Variants in AGBL1 observed in about 807,000 individuals in gnomAD.
AGBL1 encodes the protein cytosolic carboxypeptidase 4.
AGBL1 carries 130 observed loss-of-function variants against 118.9 expected under a neutral mutation model. That is an observed-to-expected ratio of 1.09 (90% CI 0.95 to 1.26). AGBL1 has a LOEUF of 1.26. AGBL1 is among the 50% of genes most tolerant of loss of function. The pLI, the probability that AGBL1 is intolerant of heterozygous loss-of-function variation, is 0.00. For synonymous variants in AGBL1, 555 were observed against 478.9 expected, an observed-to-expected ratio of 1.16 and a Z score of -2.08; for missense variants, 1,584 against 1,298.1, an observed-to-expected ratio of 1.22 and a Z score of -3.38.
At chr15:86,674,231 C>T in intron 21 of AGBL1, 42 bp from the exon 22 acceptor site, 1 of 1,563,592 alleles carries the variant, frequency 6.4e-7, no homozygotes, top group Non-Finnish European at 8.7e-7. Context: ...CACTCAGCTC[C>T]CATTATACGT....
intron 17 of AGBL1, among the ~76,000 whole-genome samples, chr15:86,338,534 C>T (rs912349342): frequency 1.6e-4 from 25 of 151,698 alleles, no homozygotes; most frequent in African/African-American, 5.6e-4. Context: ...GATAAAGTGA[C>T]CCCCGAAGAA....
intron 22 of AGBL1, among the ~76,000 whole-genome samples, chr15:86,820,603 G>T (rs1596515822): frequency 1.3e-5 from 2 of 152,278 alleles, no homozygotes; most frequent in South Asian, 4.1e-4. Flanking sequence ...GTGGACATTA[G>T]AGAAATGTAA....
intron 23 of AGBL1, among the ~76,000 whole-genome samples, chr15:86,924,521 G>C (rs1488350439): frequency 6.6e-6 from 1 of 152,184 alleles, no homozygotes; most frequent in Non-Finnish European, 1.5e-5. Context: ...AATGAATGTG[G>C]AGGGTGCTCA....
At chr15:86,819,222 G>C (rs1013737324) in intron 22 of AGBL1, among the ~76,000 whole-genome samples, 10 of 152,106 alleles carry the variant, frequency 6.6e-5, no homozygotes, top group African/African-American at 2.4e-4. Context: ...GATACTAATA[G>C]TAGTGGCAGT....
chr15:86,137,826 G>A (rs1192709966), intron 1 of AGBL1, among the ~76,000 whole-genome samples: 3 of 152,174 alleles, frequency 2.0e-5, no homozygotes, highest in Non-Finnish European at 4.4e-5. Flanking sequence ...GGTTTTCTCA[G>A]AGGCAGCTCC....
chr15:86,773,282 G>A (rs967311888), intron 22 of AGBL1, among the ~76,000 whole-genome samples: 1 of 152,038 alleles, frequency 6.6e-6, no homozygotes, highest in Admixed American at 6.6e-5. Flanking sequence ...GGGGTACGGA[G>A]GAGGCACTCC....
chr15:86,735,138 G>C (rs190767366), intron 22 of AGBL1, among the ~76,000 whole-genome samples: 1 of 152,174 alleles, frequency 6.6e-6, no homozygotes, highest in Admixed American at 6.5e-5. Context: ...CTGGAGTGCA[G>C]TGGCGCGATC....
intron 17 of AGBL1, among the ~76,000 whole-genome samples, chr15:86,360,911 T>C (rs914161651): frequency 1.3e-5 from 2 of 151,960 alleles, no homozygotes; most frequent in African/African-American, 4.8e-5. Context: ...ATTTTGCATA[T>C]TTTTTCAAAA....
At position 86,913,510 on chromosome 15, in the gene AGBL1, A is replaced by C. The variant is rs1169848716; in HGVS notation, c.*6216A>C. ...ACACAGTCTATGAGAGAATTACCAA[A>C]TGAGCCACATTTAGTTCTTATGACA... On this transcript the variant is annotated 3_prime_UTR_variant, in exon 23 of 23. Transcript: ENST00000614907. The C allele has an allele frequency of 6.6e-6, 1 of 152,208 alleles. No homozygotes were observed. The highest frequency in any genetic ancestry group is 6.5e-5 in the Admixed American group (1 of 15,282). 9.4% of individuals were successfully genotyped at this position (152,208 alleles called of 1,614,324 possible).
At chr15:86,645,551 CTG>C (rs940818467) in intron 21 of AGBL1, among the ~76,000 whole-genome samples, 9 of 152,188 alleles carry the variant, frequency 5.9e-5, no homozygotes, top group African/African-American at 1.9e-4. Context: ...CCTGATGACT[CTG>C]TGATCTAGGT....
At chr15:86,472,364 T>C (rs2082490228) in intron 18 of AGBL1, among the ~76,000 whole-genome samples, 1 of 152,136 alleles carries the variant, frequency 6.6e-6, no homozygotes, top group African/African-American at 2.4e-5. Flanking sequence ...GGCTAAGATA[T>C]CCTCTCCGAC....
intron 23 of AGBL1, among the ~76,000 whole-genome samples, chr15:86,962,709 G>A (rs538838159): frequency 2.0e-4 from 31 of 152,150 alleles, no homozygotes; most frequent in Middle Eastern, 3.4e-3. Context: ...TTCGAGGCAG[G>A]TCTATTTAGG....
chr15:86,719,053 G>GA (rs368579656), intron 22 of AGBL1, among the ~76,000 whole-genome samples: 20 of 151,628 alleles, frequency 1.3e-4, no homozygotes, highest in African/African-American at 3.6e-4. Context: ...TCTCCAAAGA[G>GA]AAAAAAAAGT....
intron 18 of AGBL1, among the ~76,000 whole-genome samples, chr15:86,478,227 A>G (rs7170827): frequency 0.46 from 70,364 of 151,954 alleles, 16,885 homozygotes; most frequent in Middle Eastern, 0.56. Context: ...GGAAGTTCTG[A>G]CCAGGGCAAT....
At position 86,530,646 on chromosome 15, in the gene AGBL1, CA is replaced by C. The variant is rs1325589792; in HGVS notation, c.2685+7708del. Among the ~76,000 whole-genome samples the C allele has an allele frequency of 9.2e-5, 14 of 151,676 alleles. No homozygotes were observed. The East Asian group carries it at 2.5e-3, about 27-fold the overall frequency. On this transcript the variant is annotated intron_variant, in intron 19 of 22. Transcript: ENST00000614907. ...TACAGAACTCTCCACCCCAAATCAA[CA>C]GAATATACATTCTTCTCAGCACCAC...
chr15:86,205,522 A>G (rs967900296), intron 5 of AGBL1, among the ~76,000 whole-genome samples: 1 of 152,248 alleles, frequency 6.6e-6, no homozygotes, highest in Admixed American at 6.5e-5. Flanking sequence ...CTTTGTAAGA[A>G]GCTGTCAAAC....
At chr15:86,173,530 T>C (rs79293522) in intron 5 of AGBL1, among the ~76,000 whole-genome samples, 1,948 of 152,284 alleles carry the variant, frequency 0.013, 24 homozygotes, top group East Asian at 0.07. Flanking sequence ...ACCAACCTTC[T>C]GAAGAATTTC....
chr15:86,765,568 G>C (rs1454477019), intron 22 of AGBL1, among the ~76,000 whole-genome samples: 1 of 151,948 alleles, frequency 6.6e-6, no homozygotes, highest in Non-Finnish European at 1.5e-5. Context: ...CATTCCACAT[G>C]GTAGGGACAG....
At chr15:86,513,821 C>T (rs1026446847) in intron 18 of AGBL1, among the ~76,000 whole-genome samples, 5 of 152,044 alleles carry the variant, frequency 3.3e-5, no homozygotes, top group Admixed American at 2.0e-4. Flanking sequence ...TACTATTGTT[C>T]GTGGTCAAAT....
Sources: gnomAD v4.1 joint callset for allele counts (sites outside exome capture counted in the v4.1 genomes callset) on GRCh38, gnomAD v4.1.1 for gene constraint, MANE v1.5 for transcripts, NCBI Gene and HGNC (gene_info 2026-07-23, HGNC 2026-07-21) for gene names.